The following DSG1 variants were observed in gnomAD, a reference collection of about 807,000 sequenced individuals.
The protein encoded by DSG1 is desmoglein 1.
A neutral mutation model predicts 97.5 loss-of-function variants in DSG1; 39 were observed. The observed-to-expected ratio is 0.40, with a 90% confidence interval of 0.31 to 0.52. The LOEUF (loss-of-function observed/expected upper bound fraction) is 0.52. Ranked by LOEUF, DSG1 falls within the 20% of genes least tolerant of loss-of-function variation. The pLI is 0.53. For missense variants in DSG1, 1,311 were observed against 1,295.4 expected (o/e 1.01, Z -0.18); for synonymous variants, 475 against 443.4 (o/e 1.07, Z -0.90).
At chr18:31,347,730 G>T (rs1391518674) in intron 14 of DSG1, 1 of 152,224 alleles carries the variant, frequency 6.6e-6, no homozygotes, top group East Asian at 1.9e-4. Context: ...CTTTAATTTT[G>T]TAGAACAGAC....
intron 1 of DSG1, 87 bp from the exon 2 acceptor site, chr18:31,326,494 T>C (rs1298436670): frequency 1.9e-6 from 2 of 1,061,468 alleles, no homozygotes; most frequent in East Asian, 5.1e-5. Context: ...GCCTATGGTT[T>C]CATGTTGTTT....
chr18:31,354,019 T>G (rs1311869281), intron 14 of DSG1: 1 of 386,406 alleles, frequency 2.6e-6, no homozygotes, highest in South Asian at 2.7e-5. Flanking sequence ...TGTGATTTTT[T>G]TGTGTATGGT....
In DSG1 at chr18:31,331,778, A is replaced by T. The variant is rs1026531442; in HGVS notation, c.595A>T (p.Ile199Leu). ...GAACTCAAAAATAGCCTTCAAGATT[A>T]TAAGACAAGAACCTTCAGATTCACC... ...NLNSKIAFKI[I>L]RQEPSDSPMF... is the part of the protein sequence containing the mutation. The change falls in exon 6 of 15, where the codon ATA becomes TTA. Residue 199 changes from isoleucine to leucine, a missense_variant. Ile to Leu is a conservative substitution (Grantham distance 5, BLOSUM62 2). This residue lies in a region of DSG1 where 259 missense variants were observed against 304.1 expected (regional missense o/e 0.85). Coordinates refer to ENST00000257192, the MANE Select transcript of DSG1 (RefSeq NM_001942.4). 1.9e-6 allele frequency: 3 copies of T among 1,612,816 alleles called. No individual in the cohort carries two copies. In the African/African-American group the frequency reaches 4.0e-5, roughly 22 times the overall value.
At chr18:31,344,509 G>A (rs1023627747) in intron 13 of DSG1, among the ~76,000 whole-genome samples, 3 of 152,144 alleles carry the variant, frequency 2.0e-5, no homozygotes, top group African/African-American at 7.2e-5. Context: ...TCCATTTTCA[G>A]TATCATCACA....
rs2071981048 is a variant in DSG1, at chr18:31,359,018, C to CT, written c.*3673dup. On this transcript the variant is annotated 3_prime_UTR_variant, in exon 15 of 15. Coordinates refer to ENST00000257192, the MANE Select transcript of DSG1 (RefSeq NM_001942.4). The stretch of plus-strand genomic sequence containing the variant: ...AATTACTAAATGCTTTATCGTCAAA[C>CT]TGTACCTAGTCTAACTTATTTTTCT... Among the ~76,000 whole-genome samples, 3 of 152,268 alleles carry CT rather than the reference C, an allele frequency of 2.0e-5. No individual in the cohort carries two copies. Among genetic ancestry groups the CT allele is most frequent in the Admixed American group, 6.5e-5 (1 of 15,292 alleles).
At chr18:31,341,735 A>G (rs951457086) in intron 11 of DSG1, among the ~76,000 whole-genome samples, 1 of 150,922 alleles carries the variant, frequency 6.6e-6, no homozygotes, top group South Asian at 2.1e-4. Flanking sequence ...GTTGCAGAAT[A>G]TAACATAAAA....
At chr18:31,351,486 C>T (rs1417453674) in intron 14 of DSG1, among the ~76,000 whole-genome samples, 8 of 150,950 alleles carry the variant, frequency 5.3e-5, no homozygotes, top group Admixed American at 1.3e-4. Context: ...CTATTAGGTC[C>T]GCCTGGTGCA....
At chr18:31,333,098 T>C (rs2071730541) in intron 6 of DSG1, among the ~76,000 whole-genome samples, 1 of 152,168 alleles carries the variant, frequency 6.6e-6, no homozygotes, top group African/African-American at 2.4e-5. Context: ...CCATAGATTT[T>C]ACCAGCTTCT....
intron 13 of DSG1, among the ~76,000 whole-genome samples, chr18:31,344,484 A>G (rs1351708214): frequency 6.6e-6 from 1 of 152,240 alleles, no homozygotes; most frequent in African/African-American, 2.4e-5. Flanking sequence ...TATTATAACA[A>G]AGAAAAAAAC....
intron 5 of DSG1, 110 bp downstream of exon 5, chr18:31,330,146 A>C (rs2071711402): frequency 7.4e-7 from 1 of 1,356,802 alleles, no homozygotes; most frequent in Admixed American, 1.7e-5. Context: ...TATAGAAAAG[A>C]TGCAGAATAG....
At chr18:31,322,285 C>T (rs569495567) in intron 1 of DSG1, among the ~76,000 whole-genome samples, 1 of 152,330 alleles carries the variant, frequency 6.6e-6, no homozygotes, top group South Asian at 2.1e-4. Flanking sequence ...TCACACACAG[C>T]AGAGGTACCA....
At chr18:31,332,860 TA>T (rs2071729314) in intron 6 of DSG1, among the ~76,000 whole-genome samples, 1 of 152,162 alleles carries the variant, frequency 6.6e-6, no homozygotes, top group Non-Finnish European at 1.5e-5. Context: ...CAAACTGTCT[TA>T]AACAGCCCAA....
chr18:31,340,933 T>A (rs574467462), intron 11 of DSG1, among the ~76,000 whole-genome samples: 1 of 152,364 alleles, frequency 6.6e-6, no homozygotes, highest in Admixed American at 6.5e-5. Context: ...CTAACCTTTC[T>A]GAGCCTTGCT....
At position 31,353,943 on chromosome 18, in the gene DSG1, C is replaced by G. The variant is rs901647626; in HGVS notation, c.2101-354C>G. On this transcript the variant is annotated intron_variant, in intron 14 of 14. Coordinates refer to ENST00000257192, the MANE Select transcript of DSG1 (RefSeq NM_001942.4). ...AATCACCCGTCTTCTGCGTCGCTCA[C>G]GCTGGGAGCTGTAGACCAGAGCTGT... 26 of 286,274 alleles carry G rather than the reference C, an allele frequency of 9.1e-5. No homozygotes were observed. In the Admixed American group the frequency reaches 1.3e-3, roughly 14 times the overall value. 17.7% of individuals were successfully genotyped at this position (286,274 alleles called of 1,614,324 possible). A position where few individuals can be genotyped will look rare whatever the true frequency, so the allele number is the denominator to read the frequency against.
chr18:31,353,890 A>C, intron 14 of DSG1: 1 of 267,918 alleles, frequency 3.7e-6, no homozygotes, highest in Non-Finnish European at 7.2e-6. Context: ...TAGTGAGATG[A>C]ACCCGGTACC....
intron 11 of DSG1, among the ~76,000 whole-genome samples, chr18:31,340,756 C>T (rs16959855): frequency 0.01 from 1,536 of 152,188 alleles, 25 homozygotes; most frequent in African/African-American, 0.034. Context: ...ATAAAAGATG[C>T]GCATGACAGC....
chr18:31,342,948 G>A (rs902977652), intron 11 of DSG1, among the ~76,000 whole-genome samples: 33 of 144,914 alleles, frequency 2.3e-4, no homozygotes, highest in Non-Finnish European at 3.8e-4. Context: ...CACTCAGGCT[G>A]GAGTGCAGTG....
intron 14 of DSG1, among the ~76,000 whole-genome samples, chr18:31,347,082 A>G (rs1447916761): frequency 6.6e-6 from 1 of 152,188 alleles, no homozygotes; most frequent in Non-Finnish European, 1.5e-5. Flanking sequence ...CATCGACTAG[A>G]AAAACATTTC....
chr18:31,335,670 T>A (rs1372564789), intron 8 of DSG1, among the ~76,000 whole-genome samples: 1 of 151,738 alleles, frequency 6.6e-6, no homozygotes, highest in East Asian at 1.9e-4. Context: ...TCTAAATTAC[T>A]CTTGTGAAAT....
Sources: gnomAD v4.1 joint callset for allele counts (sites outside exome capture counted in the v4.1 genomes callset) on GRCh38, gnomAD v4.1.1 for gene constraint, gnomAD v4.1.1 regional missense constraint, MANE v1.5 for transcripts, NCBI Gene and HGNC (gene_info 2026-07-23, HGNC 2026-07-21) for gene names.